The following SYT10 variants were observed in gnomAD, a reference collection of about 807,000 sequenced individuals.
SYT10 encodes the protein synaptotagmin-10.
In SYT10, 31 loss-of-function variants were observed where a neutral mutation model predicts 51.1. That is an observed-to-expected ratio of 0.61 (90% confidence interval 0.46 to 0.82). SYT10 has a LOEUF of 0.82. Among genes scored for constraint, SYT10 ranks in the 40% least tolerant of loss-of-function variants. SYT10 has a pLI of 0.00. For missense variants in SYT10, 603 were observed against 634.0 expected (o/e 0.95, Z 0.53); for synonymous variants, 233 against 225.9 (o/e 1.03, Z -0.28).
chr12:33,411,861 A>G (rs1866409734), intron 2 of SYT10, among the ~76,000 whole-genome samples: 2 of 152,146 alleles, frequency 1.3e-5, no homozygotes, highest in Non-Finnish European at 2.9e-5. Context: ...TAGGGTTAGC[A>G]AAGGTCAGAG....
chr12:33,375,971 C>A lies in SYT10; in HGVS notation c.*859G>T, dbSNP rs1264525489. The A allele has an allele frequency of 6.6e-6, 1 of 152,552 alleles. No homozygotes were observed. The highest frequency in any genetic ancestry group is 1.5e-5 in the Non-Finnish European group (1 of 68,006). The allele number at this position is 152,552 out of a possible 1,614,324, so 9.4% of individuals were successfully genotyped here. A position where few individuals can be genotyped will look rare whatever the true frequency, so the allele number is the denominator to read the frequency against. On this transcript the variant is annotated 3_prime_UTR_variant, in exon 7 of 7. Transcript: ENST00000228567. Reference sequence around the variant, plus strand: ...ACACGTCACAAAAAAATACATGTCACAGTACTTGAGAACCTTACAAACACT... The same window carrying A: ...ACACGTCACAAAAAAATACATGTCAAAGTACTTGAGAACCTTACAAACACT...
chr12:33,398,579 A>G lies in SYT10; in HGVS notation c.1077+8210T>C, dbSNP rs187542053. On this transcript the variant is annotated intron_variant, in intron 3 of 6. Coordinates refer to ENST00000228567, the MANE Select transcript of SYT10 (RefSeq NM_198992.4). ...GAATCACAGCACACAGTAACTAAAA[A>G]GAATTAAAGGAACTCTGAAAACTTT... Among the ~76,000 whole-genome samples, 24 of 152,310 alleles carry G rather than the reference A, an allele frequency of 1.6e-4. No homozygotes were observed. The East Asian group carries it at 4.4e-3, about 28-fold the overall frequency.
At chr12:33,389,992 G>GTA (rs1391497898) in intron 3 of SYT10, among the ~76,000 whole-genome samples, 1 of 152,182 alleles carries the variant, frequency 6.6e-6, no homozygotes, top group Non-Finnish European at 1.5e-5. Flanking sequence ...AGTTTCCTTG[G>GTA]TATAACATGA....
chr12:33,429,056 T>C (rs1312005486), intron 1 of SYT10, among the ~76,000 whole-genome samples: 25 of 152,284 alleles, frequency 1.6e-4, no homozygotes, highest in Non-Finnish European at 2.5e-4. Flanking sequence ...CATTAGGATT[T>C]GCAATACTTC....
intron 2 of SYT10, among the ~76,000 whole-genome samples, chr12:33,412,392 A>T (rs764378477): frequency 8.5e-6 from 1 of 117,856 alleles, no homozygotes. Flanking sequence ...CAACACAGAT[A>T]TTTTTTTTCT....
Position 33,376,532 on chromosome 12 carries a change from T to G in SYT10, c.*298A>C. The G allele has an allele frequency of 2.7e-6, 1 of 375,176 alleles. No individual in the cohort carries two copies. The highest frequency in any genetic ancestry group is 4.9e-6 in the Non-Finnish European group (1 of 203,546). The allele number at this position is 375,176 out of a possible 1,614,324, so 23.2% of individuals were successfully genotyped here. A position where few individuals can be genotyped will look rare whatever the true frequency, so the allele number is the denominator to read the frequency against. On this transcript the variant is annotated 3_prime_UTR_variant, in exon 7 of 7. Transcript: ENST00000228567. ...TTAATTTTAGGTAAGTATGAACTGT[T>G]TAAAAAAACATTTCATATGCAAAGA...
chr12:33,437,707 G>A (rs1367489894), intron 1 of SYT10, among the ~76,000 whole-genome samples: 2 of 152,076 alleles, frequency 1.3e-5, no homozygotes, highest in Non-Finnish European at 2.9e-5. Context: ...TTCTCTGAGT[G>A]TTACCTTTAG....
chr12:33,377,422 G>C (rs1361426525), intron 6 of SYT10, among the ~76,000 whole-genome samples: 1 of 151,558 alleles, frequency 6.6e-6, no homozygotes, highest in Admixed American at 6.6e-5. Flanking sequence ...CTAGGAAAGA[G>C]CAGTAAGAGG....
At chr12:33,439,206 C>G (rs1866662868) in intron 1 of SYT10, among the ~76,000 whole-genome samples, 166 bp downstream of exon 1, 1 of 152,260 alleles carries the variant, frequency 6.6e-6, no homozygotes, top group African/African-American at 2.4e-5. Context: ...AACGCCCCAC[C>G]CTCGAAGTCG....
At position 33,376,847 on chromosome 12, in the gene SYT10, GT is replaced by G. The variant is rs1565709458; in HGVS notation, c.1554del (p.Lys518AsnfsTer14). ...TGGAGGCATTATGGTGTGGAAGGTG[GT>G]TTAGGAGAAGGGCAGGATCCTTGAC... is the stretch of plus-strand genomic sequence containing the variant. ...FDSQGSCPSP[K>X]PPSTP On this transcript the variant is annotated frameshift_variant, in exon 7 of 7. Transcript: ENST00000228567. LOFTEE classifies it high-confidence loss of function. 6.2e-7 allele frequency: 1 copy of G among 1,614,108 alleles called. No homozygotes were observed. Among genetic ancestry groups the G allele is most frequent in the Non-Finnish European group, 8.5e-7 (1 of 1,179,988 alleles).
At chr12:33,437,348 C>T (rs574059492) in intron 1 of SYT10, among the ~76,000 whole-genome samples, 1 of 152,332 alleles carries the variant, frequency 6.6e-6, no homozygotes, top group South Asian at 2.1e-4. Context: ...TAATTTTTCT[C>T]ACTTTTTATT....
intron 2 of SYT10, among the ~76,000 whole-genome samples, chr12:33,421,158 C>T (rs1261026424): frequency 6.6e-6 from 1 of 152,032 alleles, no homozygotes; most frequent in Non-Finnish European, 1.5e-5. Flanking sequence ...TATAATAATG[C>T]ACATTAAGCG....
chr12:33,422,668 A>T (rs1351419819), intron 2 of SYT10, among the ~76,000 whole-genome samples: 1 of 151,864 alleles, frequency 6.6e-6, no homozygotes, highest in Non-Finnish European at 1.5e-5. Flanking sequence ...TGATTTTTCA[A>T]ATAAAATATT....
rs142035623 is a variant in SYT10, at chr12:33,426,308, T to A, written c.339A>T (p.Lys113Asn). The change falls in exon 2 of 7, where the codon AAA becomes AAT. Residue 113 changes from lysine to asparagine, a missense_variant. Transcript: ENST00000228567. ...GCTTTTCATTTTCCTTAATTTCTTT[T>A]TTCTCTTCAGTCTCAAAAACTTCAG... is the stretch of plus-strand genomic sequence containing the variant. Reference protein sequence around the residue: ...APTEVFETEEKKEIKENEKPA... With the variant: ...APTEVFETEENKEIKENEKPA... 20 of 1,613,982 alleles carry A rather than the reference T, an allele frequency of 1.2e-5. No individual in the cohort carries two copies. Among genetic ancestry groups the A allele is most frequent in the Non-Finnish European group, 8.5e-7 (1 of 1,180,034 alleles).
At chr12:33,432,520 A>ATT (rs1006119293) in intron 1 of SYT10, 70 of 152,206 alleles carry the variant, frequency 4.6e-4, no homozygotes, top group African/African-American at 1.7e-3. Flanking sequence ...TATTGCTTGA[A>ATT]TAAAAGCATG....
intron 5 of SYT10, among the ~76,000 whole-genome samples, chr12:33,381,554 G>C (rs1046009769): frequency 6.6e-6 from 1 of 152,050 alleles, no homozygotes; most frequent in African/African-American, 2.4e-5. Context: ...ACCATTGATG[G>C]GACAAGAGTT....
chr12:33,388,511 C>T (rs1276627107), intron 3 of SYT10, among the ~76,000 whole-genome samples: 1 of 152,040 alleles, frequency 6.6e-6, no homozygotes, highest in East Asian at 1.9e-4. Flanking sequence ...TATTTTGGGG[C>T]AAATAACCAT....
At chr12:33,405,178 T>C (rs1247879206) in intron 3 of SYT10, 1 of 152,176 alleles carries the variant, frequency 6.6e-6, no homozygotes, top group Non-Finnish European at 1.5e-5. Flanking sequence ...GCCAAACATA[T>C]ATAGGTAAAT....
chr12:33,439,481 C>T lies in SYT10; in HGVS notation c.42G>A (p.Gln14=), dbSNP rs371830878. Residue 14 remains glutamine, a synonymous_variant, in exon 1 of 7, where the codon CAG becomes CAA. Coordinates refer to ENST00000228567, the MANE Select transcript of SYT10 (RefSeq NM_198992.4). Reference sequence around the variant, plus strand: ...GCTCGGTGACGATGTGCAGAGCCTTCTGGCACAGACTGTTCACTCCGTCCT... The same window carrying T: ...GCTCGGTGACGATGTGCAGAGCCTTTTGGCACAGACTGTTCACTCCGTCCT... ...HKEDGVNSLC[Q]KALHIVTELC... is the part of the protein sequence containing the mutation. 2.7e-5 allele frequency: 44 copies of T among 1,614,114 alleles called. No homozygotes were observed. Among genetic ancestry groups the T allele is most frequent in the Non-Finnish European group, 3.4e-5 (40 of 1,180,030 alleles).
Sources: gnomAD v4.1 joint callset for allele counts (sites outside exome capture counted in the v4.1 genomes callset) on GRCh38, gnomAD v4.1.1 for gene constraint, MANE v1.5 for transcripts, NCBI Gene and HGNC (gene_info 2026-07-23, HGNC 2026-07-21) for gene names.